ARHGAP15: variants seen among roughly 807,000 people sequenced by gnomAD.
ARHGAP15 encodes Rho GTPase activating protein 15.
In ARHGAP15, 51 loss-of-function variants were observed where a neutral mutation model predicts 63.7. The observed-to-expected ratio is 0.80, with a 90% CI of 0.64 to 1.01. The LOEUF (loss-of-function observed/expected upper bound fraction) is 1.01, where lower values mean the gene tolerates loss of function less well. Among genes scored for constraint, ARHGAP15 ranks in the 50% least tolerant of loss-of-function variants. The pLI is 0.00. For missense variants in ARHGAP15, 560 were observed against 564.6 expected (o/e 0.99, Z 0.08); for synonymous variants, 191 against 193.8 (o/e 0.99, Z 0.12).
rs567731465 is a variant in ARHGAP15 at position 143,692,327 on chromosome 2, C to T, written c.1139-11092C>T. 7.9e-5 allele frequency among the ~76,000 whole-genome samples: 12 copies of T among 152,242 alleles called. No individual in the cohort carries two copies. The South Asian group carries it at 1.2e-3, about 16-fold the overall frequency. ...ATAACAGCGGGGAAGCTTGCACTGC[C>T]GCACAGTGGGAAGCTTAAAGCGTCT... On this transcript the variant is annotated intron_variant, in intron 12 of 13. Coordinates refer to ENST00000295095, the MANE Select transcript of ARHGAP15 (RefSeq NM_018460.4).
intron 9 of ARHGAP15, among the ~76,000 whole-genome samples, chr2:143,512,635 G>T (rs1456773584): frequency 4.6e-5 from 7 of 152,158 alleles, no homozygotes; most frequent in Non-Finnish European, 1.0e-4. Flanking sequence ...CCATATTTTT[G>T]CCAGGTGTAT....
At chr2:143,261,578 A>T (rs1355862880) in intron 6 of ARHGAP15, among the ~76,000 whole-genome samples, 1 of 151,312 alleles carries the variant, frequency 6.6e-6, no homozygotes, top group Non-Finnish European at 1.5e-5. Context: ...CGAACTCCTG[A>T]TCTCAGGTGA....
chr2:143,236,225 T>C lies in ARHGAP15; in HGVS notation c.384+7557T>C, dbSNP rs1693638879. ...TGCTCTTAAAGTACTCACAATATGG[T>C]AAAAGAGACATAATTTTGTATAGGT... On this transcript the variant is annotated intron_variant, in intron 5 of 13. Transcript: ENST00000295095. 1.2e-5 allele frequency: 4 copies of C among 337,398 alleles called. No homozygotes were observed. The South Asian group carries it at 3.1e-4, about 26-fold the overall frequency. 20.9% of individuals were successfully genotyped at this position (337,398 alleles called of 1,614,324 possible).
intron 12 of ARHGAP15, among the ~76,000 whole-genome samples, chr2:143,644,735 C>CA (rs1265684858): frequency 2.0e-5 from 3 of 151,502 alleles, no homozygotes; most frequent in East Asian, 1.9e-4. Flanking sequence ...TTGCTGCGTG[C>CA]AAAAAAAATC....
In ARHGAP15 at chr2:143,379,487, ATGTGTG is replaced by A. The variant is rs58976215; in HGVS notation, c.475-56074_475-56069del. 9.4e-3 allele frequency among the ~76,000 whole-genome samples: 1,215 copies of A among 129,810 alleles called. 9 individuals carry two copies. The highest frequency in any genetic ancestry group is 0.023 in the African/African-American group (788 of 34,628). The allele number at this position is 129,810 out of a possible 152,430, so 85.2% of individuals were successfully genotyped here. On this transcript the variant is annotated intron_variant, in intron 6 of 13. Coordinates refer to ENST00000295095, the MANE Select transcript of ARHGAP15 (RefSeq NM_018460.4). ...AACAAGGTGGTTTTTAGGCATATAT[ATGTGTG>A]TGTGTGTGTGTGTGTGTGTGTGTGT...
At position 143,456,499 on chromosome 2, in the gene ARHGAP15, A is replaced by G. The variant is rs866742922; in HGVS notation, c.703+19457A>G. 1.5e-4 allele frequency among the ~76,000 whole-genome samples: 23 copies of G among 152,216 alleles called. No individual in the cohort carries two copies. In the South Asian group the frequency reaches 2.5e-3, roughly 16 times the overall value. On this transcript the variant is annotated intron_variant, in intron 8 of 13. Coordinates refer to ENST00000295095, the MANE Select transcript of ARHGAP15 (RefSeq NM_018460.4). Reference sequence around the variant, plus strand: ...CATAAAGTGAAAGCATTTCCCTTCCAAAAAGAAAAAAATTGTAATCAATCT... The same window carrying G: ...CATAAAGTGAAAGCATTTCCCTTCCGAAAAGAAAAAAATTGTAATCAATCT...
intron 2 of ARHGAP15, among the ~76,000 whole-genome samples, chr2:143,194,684 A>T (rs954446348): frequency 1.4e-5 from 2 of 140,422 alleles, no homozygotes; most frequent in African/African-American, 2.8e-5. Flanking sequence ...GTTCCATGTG[A>T]ATGACCCCTC....
At chr2:143,138,423 G>A (rs1222082089) in intron 1 of ARHGAP15, among the ~76,000 whole-genome samples, 2 of 152,070 alleles carry the variant, frequency 1.3e-5, no homozygotes, top group African/African-American at 4.8e-5. Flanking sequence ...GTTAAGCAAT[G>A]CTGAACTTTA....
chr2:143,323,795 A>G (rs1684126900), intron 6 of ARHGAP15, among the ~76,000 whole-genome samples: 1 of 142,528 alleles, frequency 7.0e-6, no homozygotes, highest in Non-Finnish European at 1.5e-5. Context: ...CGGGAGGCTG[A>G]GGCCAGAGAA....
intron 12 of ARHGAP15, among the ~76,000 whole-genome samples, chr2:143,670,053 C>T (rs1682436781): frequency 6.6e-6 from 1 of 152,138 alleles, no homozygotes; most frequent in Non-Finnish European, 1.5e-5. Context: ...AGACTTCAGA[C>T]ACCAGGGAGG....
At chr2:143,453,171 T>C (rs1690487055) in intron 8 of ARHGAP15, among the ~76,000 whole-genome samples, 1 of 151,890 alleles carries the variant, frequency 6.6e-6, no homozygotes. Context: ...CACTGAAAGG[T>C]TAATCAATTT....
At chr2:143,536,656 G>A (rs1036036826) in intron 10 of ARHGAP15, among the ~76,000 whole-genome samples, 1 of 151,756 alleles carries the variant, frequency 6.6e-6, no homozygotes, top group African/African-American at 2.4e-5. Context: ...AGTTTGCTGA[G>A]AATGATGGTT....
intron 13 of ARHGAP15, among the ~76,000 whole-genome samples, chr2:143,736,410 CA>C (rs1318322899): frequency 6.8e-6 from 1 of 148,012 alleles, no homozygotes; most frequent in Admixed American, 6.7e-5. Flanking sequence ...AAAAAAAAAG[CA>C]AAAAAACAAA....
intron 3 of ARHGAP15, among the ~76,000 whole-genome samples, chr2:143,205,234 C>A (rs1179939315): frequency 2.0e-5 from 3 of 148,574 alleles, no homozygotes; most frequent in Non-Finnish European, 3.0e-5. Flanking sequence ...TTGCAGTGAG[C>A]CAAGATTGTG....
intron 6 of ARHGAP15, among the ~76,000 whole-genome samples, chr2:143,281,097 T>C (rs1017456259): frequency 6.6e-6 from 1 of 152,040 alleles, no homozygotes; most frequent in Non-Finnish European, 1.5e-5. Context: ...TCAAGAAAAG[T>C]AACAAAGATT....
chr2:143,268,592 T>C (rs887544952), intron 6 of ARHGAP15, among the ~76,000 whole-genome samples: 1 of 152,168 alleles, frequency 6.6e-6, no homozygotes, highest in Non-Finnish European at 1.5e-5. Flanking sequence ...AGTTTATTTT[T>C]AAAAATTACA....
intron 1 of ARHGAP15, among the ~76,000 whole-genome samples, chr2:143,150,781 A>G (rs564614823): frequency 6.6e-6 from 1 of 152,144 alleles, no homozygotes; most frequent in East Asian, 1.9e-4. Context: ...GTTTTCTCTA[A>G]CAAAATTTAA....
intron 2 of ARHGAP15, among the ~76,000 whole-genome samples, chr2:143,172,909 A>C (rs533385292): frequency 8.1e-4 from 123 of 152,216 alleles, no homozygotes; most frequent in South Asian, 2.7e-3. Flanking sequence ...GAAATAGCCA[A>C]GATCCCATTG....
intron 6 of ARHGAP15, among the ~76,000 whole-genome samples, chr2:143,322,136 A>G (rs1684051432): frequency 6.6e-6 from 1 of 152,072 alleles, no homozygotes; most frequent in Admixed American, 6.6e-5. Context: ...GAACAGTTCC[A>G]ATGAGGCCGC....
Sources: gnomAD v4.1 joint callset for allele counts (sites outside exome capture counted in the v4.1 genomes callset) on GRCh38, gnomAD v4.1.1 for gene constraint, MANE v1.5 for transcripts, NCBI Gene and HGNC (gene_info 2026-07-23, HGNC 2026-07-21) for gene names.